SNTG1: variants seen among roughly 807,000 people sequenced by gnomAD.
The protein encoded by SNTG1 is syntrophin gamma 1.
In SNTG1, 39 loss-of-function variants were observed where a neutral mutation model predicts 74.7. The ratio of observed to expected loss-of-function variants is 0.52; its 90% CI spans 0.40 to 0.68. The LOEUF is 0.68. SNTG1 is among the 30% of genes least tolerant of loss of function. SNTG1 has a pLI of 0.00. For synonymous variants in SNTG1, 254 were observed against 217.1 expected, an observed-to-expected ratio of 1.17 and a Z score of -1.49; for missense variants, 685 against 609.5, an observed-to-expected ratio of 1.12 and a Z score of -1.30.
chr8:50,038,384 A>G (rs947288491), intron 1 of SNTG1, among the ~76,000 whole-genome samples: 2 of 152,158 alleles, frequency 1.3e-5, no homozygotes, highest in Non-Finnish European at 2.9e-5. Flanking sequence ...ACATCACAGT[A>G]AGGACCCAGT....
chr8:50,435,240 T>C (rs528309770), intron 4 of SNTG1, among the ~76,000 whole-genome samples: 9 of 152,240 alleles, frequency 5.9e-5, no homozygotes, highest in Middle Eastern at 3.4e-3. Flanking sequence ...AAAAAGAAGA[T>C]TAAATAAAGG....
At chr8:50,273,071 A>G (rs189458890) in intron 2 of SNTG1, among the ~76,000 whole-genome samples, 6 of 152,282 alleles carry the variant, frequency 3.9e-5, no homozygotes, top group Non-Finnish European at 8.8e-5. Flanking sequence ...TTTTATAATT[A>G]CAAATAAGAA....
At chr8:50,395,644 C>T (rs1033722803) in intron 3 of SNTG1, among the ~76,000 whole-genome samples, 2 of 151,792 alleles carry the variant, frequency 1.3e-5, no homozygotes, top group African/African-American at 4.8e-5. Context: ...GCTGGGACTA[C>T]AGGTGCCTGC....
chr8:50,094,786 C>T (rs1034391413), intron 1 of SNTG1, among the ~76,000 whole-genome samples: 12 of 152,094 alleles, frequency 7.9e-5, no homozygotes, highest in African/African-American at 2.9e-4. Flanking sequence ...TGCTATTGGA[C>T]CCAGCAATCT....
intron 15 of SNTG1, among the ~76,000 whole-genome samples, chr8:50,696,418 T>G (rs2095405499): frequency 6.6e-6 from 1 of 152,130 alleles, no homozygotes; most frequent in Non-Finnish European, 1.5e-5. Flanking sequence ...ATTCTTAGGT[T>G]GTATATTTAC....
chr8:50,483,119 T>G (rs1025173366), intron 8 of SNTG1, among the ~76,000 whole-genome samples: 8 of 152,170 alleles, frequency 5.3e-5, no homozygotes, highest in African/African-American at 1.9e-4. Context: ...ATAAGTAAAA[T>G]GGGGGCATAA....
chr8:50,148,556 C>G (rs374903843), intron 1 of SNTG1, among the ~76,000 whole-genome samples: 29 of 152,238 alleles, frequency 1.9e-4, no homozygotes, highest in African/African-American at 4.3e-4. Context: ...TTCCCTCCCC[C>G]CAACCCAGAA....
chr8:50,181,571 T>G (rs2083207107), intron 2 of SNTG1, among the ~76,000 whole-genome samples: 1 of 152,214 alleles, frequency 6.6e-6, no homozygotes, highest in Non-Finnish European at 1.5e-5. Context: ...ACAATATTTA[T>G]GTTTTCAACA....
chr8:50,166,772 G>C (rs1012095043), intron 1 of SNTG1, among the ~76,000 whole-genome samples: 2 of 139,824 alleles, frequency 1.4e-5, no homozygotes, highest in Non-Finnish European at 3.1e-5. Context: ...CCATTACTGG[G>C]TATATACCCA....
At chr8:50,006,002 G>T (rs955584244) in intron 1 of SNTG1, among the ~76,000 whole-genome samples, 3 of 111,328 alleles carry the variant, frequency 2.7e-5, no homozygotes, top group Non-Finnish European at 4.9e-5. Flanking sequence ...GTCTCGCTCT[G>T]TTGCCAAGCT....
chr8:50,285,927 T>A (rs76975725), intron 2 of SNTG1, among the ~76,000 whole-genome samples: 7,975 of 152,268 alleles, frequency 0.052, 234 homozygotes, highest in Middle Eastern at 0.12. Context: ...AGTAAATTTG[T>A]TTCATCAATA....
At chr8:50,747,068 C>A (rs1360402898) in intron 17 of SNTG1, among the ~76,000 whole-genome samples, 2 of 151,176 alleles carry the variant, frequency 1.3e-5, no homozygotes, top group Non-Finnish European at 2.9e-5. Context: ...AGTCAAAAAA[C>A]CTTATAGACT....
chr8:50,747,217 A>T (rs1041500372), intron 17 of SNTG1, among the ~76,000 whole-genome samples: 1 of 151,946 alleles, frequency 6.6e-6, no homozygotes, highest in African/African-American at 2.4e-5. Flanking sequence ...ATAAATTGAA[A>T]AATTGTCTCC....
chr8:49,986,264 C>T (rs1813142739), intron 1 of SNTG1, among the ~76,000 whole-genome samples: 1 of 152,128 alleles, frequency 6.6e-6, no homozygotes, highest in Non-Finnish European at 1.5e-5. Flanking sequence ...TTTACTTCCA[C>T]TTTCCTGATA....
intron 2 of SNTG1, among the ~76,000 whole-genome samples, chr8:50,247,798 A>G (rs1050946757): frequency 6.6e-6 from 1 of 152,032 alleles, no homozygotes; most frequent in African/African-American, 2.4e-5. Context: ...TGTTGGAATT[A>G]CAGCCGTGAG....
chr8:50,049,361 G>A (rs1329663133), intron 1 of SNTG1, among the ~76,000 whole-genome samples: 1 of 152,006 alleles, frequency 6.6e-6, no homozygotes, highest in African/African-American at 2.4e-5. Context: ...GAAAGCTAAA[G>A]TAGCTAAATT....
rs530979596 is a variant in SNTG1, at chr8:50,448,333, C to T, written c.220-1335C>T. Among the ~76,000 whole-genome samples the T allele has an allele frequency of 2.0e-5, 3 of 152,090 alleles. No homozygotes were observed. The South Asian group carries it at 6.2e-4, about 32-fold the overall frequency. On this transcript the variant is annotated intron_variant, in intron 5 of 18. Coordinates refer to ENST00000642720, the MANE Select transcript of SNTG1 (RefSeq NM_018967.5). ...TTGCCAAAAAAAAAAATTCAATATTCCTGCTTTTCTAAAAAACTATTGACT... is the reference window on the plus strand; with the variant it reads ...TTGCCAAAAAAAAAAATTCAATATTTCTGCTTTTCTAAAAAACTATTGACT...
intron 2 of SNTG1, among the ~76,000 whole-genome samples, chr8:50,267,671 A>C (rs2087553298): frequency 1.3e-5 from 2 of 152,210 alleles, no homozygotes; most frequent in South Asian, 4.1e-4. Context: ...CAATCTATGT[A>C]ATCCACCATA....
intron 2 of SNTG1, among the ~76,000 whole-genome samples, chr8:50,305,600 A>C (rs1587042022): frequency 7.2e-6 from 1 of 139,498 alleles, no homozygotes; most frequent in African/African-American, 2.6e-5. Context: ...TTTGGTTTTT[A>C]CTTTGTTTTT....
Sources: allele counts gnomAD v4.1 joint callset (sites outside exome capture counted in the v4.1 genomes callset), GRCh38; gene constraint gnomAD v4.1.1; transcripts MANE v1.5; gene names NCBI Gene and HGNC (gene_info 2026-07-23, HGNC 2026-07-21).